The following SLC12A6 variants were observed in gnomAD, a reference collection of about 807,000 sequenced individuals.
SLC12A6 encodes K-Cl cotransporter 3.
A neutral mutation model predicts 135.3 loss-of-function variants in SLC12A6; 66 were observed. The observed-to-expected ratio is 0.49, with a 90% confidence interval of 0.40 to 0.60. The LOEUF is 0.60. Ranked by LOEUF, SLC12A6 falls within the 20% of genes least tolerant of loss-of-function variation. The pLI, the probability that SLC12A6 is intolerant of heterozygous loss-of-function variation, is 0.00. For missense variants in SLC12A6, 1,058 were observed against 1,452.3 expected (o/e 0.73, Z 4.41); for synonymous variants, 513 against 508.8 (o/e 1.01, Z -0.11).
intron 2 of SLC12A6, among the ~76,000 whole-genome samples, chr15:34,309,836 G>A (rs1888026460): frequency 6.6e-6 from 1 of 152,090 alleles, no homozygotes; most frequent in African/African-American, 2.4e-5. Context: ...AAAGCGTGCA[G>A]ATCTAAATTT....
At position 34,254,568 on chromosome 15, in the gene SLC12A6, C is replaced by G; in HGVS notation, c.898G>C (p.Ala300Pro). Reference sequence around the variant, plus strand: ...AGTGCGTCATCACTGTGAAAGATGGCAGCTCGGGGGACGATATAGACCTGT... The same window carrying G: ...AGTGCGTCATCACTGTGAAAGATGGGAGCTCGGGGGACGATATAGACCTGT... Reference protein sequence around the residue: ...IFLVYIVPRAAIFHSDDALKE... With the variant: ...IFLVYIVPRAPIFHSDDALKE... Residue 300 changes from alanine to proline, a missense_variant, in exon 9 of 26, where the codon GCC becomes CCC. By Grantham distance (27) the Ala-to-Pro change is conservative. This residue lies in a region of SLC12A6 where 297 missense variants were observed against 318.5 expected (regional missense o/e 0.93). Transcript: ENST00000354181. 6.2e-7 allele frequency: 1 copy of G among 1,608,398 alleles called. No individual in the cohort carries two copies. The highest frequency in any genetic ancestry group is 1.3e-5 in the African/African-American group (1 of 74,938).
chr15:34,238,705 T>C (rs1595404300), intron 20 of SLC12A6: 1 of 600,530 alleles, frequency 1.7e-6, no homozygotes, highest in Non-Finnish European at 3.0e-6. Flanking sequence ...AACATCAATA[T>C]GGAAAATCAC....
chr15:34,258,920 C>T lies in SLC12A6; in HGVS notation c.436G>A (p.Val146Met). ...FEEEMDTRPK[V>M]SSLLNRMANY... ...GCCATGCGGTTGAGGAGGGAAGACA[C>T]CTTCGGTCTGGTGTCCATTTCTTCC... The change falls in exon 5 of 26, where the codon GTG (valine) becomes ATG (methionine). Residue 146 changes from valine (V) to methionine (M), a missense_variant. Around this residue, in one of 6 missense-constraint regions of SLC12A6, gnomAD observed 139 missense variants for 202.2 expected, o/e 0.69. Transcript: ENST00000354181. 1 of 1,611,694 alleles carries T rather than the reference C, an allele frequency of 6.2e-7. No homozygotes were observed. The highest frequency in any genetic ancestry group is 2.2e-5 in the East Asian group (1 of 44,868).
At chr15:34,245,941 A>ATT in intron 13 of SLC12A6, 74 bp from the exon 14 acceptor site, 10 of 1,191,504 alleles carry the variant, frequency 8.4e-6, no homozygotes, top group Non-Finnish European at 1.1e-5. Context: ...TATTCACCCA[A>ATT]TTTTTTTTTG....
intron 2 of SLC12A6, among the ~76,000 whole-genome samples, chr15:34,322,245 G>C (rs1036365388): frequency 6.6e-6 from 1 of 152,148 alleles, no homozygotes; most frequent in Non-Finnish European, 1.5e-5. Context: ...GCTGGGCGTG[G>C]TGACACATGC....
intron 5 of SLC12A6, among the ~76,000 whole-genome samples, chr15:34,258,229 T>G (rs1388011928): frequency 6.6e-6 from 1 of 152,212 alleles, no homozygotes; most frequent in Non-Finnish European, 1.5e-5. Flanking sequence ...GTTTTATCCC[T>G]TTTTGAAAGG....
At position 34,232,849 on chromosome 15, in the gene SLC12A6, G is replaced by C. The variant is rs911261092; in HGVS notation, c.*1032C>G. The C allele has an allele frequency of 2.6e-5, 4 of 151,272 alleles. No homozygotes were observed. Among genetic ancestry groups the C allele is most frequent in the Non-Finnish European group, 4.4e-5 (3 of 67,892 alleles). 9.4% of individuals were successfully genotyped at this position (151,272 alleles called of 1,614,324 possible). ...AACTTCCAATTCCATTGCTAGATGTGCCCTTTAAAAGATGGTCCAGTGCTT... is the reference window on the plus strand; with the variant it reads ...AACTTCCAATTCCATTGCTAGATGTCCCCTTTAAAAGATGGTCCAGTGCTT... On this transcript the variant is annotated 3_prime_UTR_variant, in exon 26 of 26. Coordinates refer to ENST00000354181, the MANE Select transcript of SLC12A6 (RefSeq NM_001365088.1).
intron 2 of SLC12A6, among the ~76,000 whole-genome samples, chr15:34,313,144 C>T (rs887259290): frequency 1.3e-5 from 2 of 152,214 alleles, no homozygotes; most frequent in East Asian, 3.8e-4. Context: ...CAATCAAAAG[C>T]TTGAAATGAT....
At chr15:34,299,737 A>G (rs1896111688) in intron 2 of SLC12A6, 1 of 152,222 alleles carries the variant, frequency 6.6e-6, no homozygotes, top group African/African-American at 2.4e-5. Context: ...TCTGGTGTGC[A>G]GTATGTACAA....
chr15:34,264,413 C>G (rs570718636), intron 3 of SLC12A6, among the ~76,000 whole-genome samples: 1 of 152,212 alleles, frequency 6.6e-6, no homozygotes, highest in Admixed American at 6.5e-5. Context: ...AAGGAAAACA[C>G]AAAGGAGGAA....
chr15:34,234,906 C>T (rs2140631927), intron 25 of SLC12A6, among the ~76,000 whole-genome samples: 1 of 152,272 alleles, frequency 6.6e-6, no homozygotes, highest in Non-Finnish European at 1.5e-5. Context: ...GGTATGCTGT[C>T]TGTAGGATTG....
chr15:34,265,349 G>A (rs919563910), intron 3 of SLC12A6, among the ~76,000 whole-genome samples: 52 of 150,488 alleles, frequency 3.5e-4, no homozygotes, highest in Non-Finnish European at 1.0e-4. Flanking sequence ...CCTTTACTGT[G>A]CATATACTGA....
At chr15:34,307,021 G>A (rs1380205864) in intron 2 of SLC12A6, among the ~76,000 whole-genome samples, 1 of 152,196 alleles carries the variant, frequency 6.6e-6, no homozygotes, top group Admixed American at 6.5e-5. Context: ...GGAATTAGGT[G>A]AGTGGGGCAT....
At chr15:34,258,767 T>A in intron 5 of SLC12A6, 46 bp downstream of exon 5, 1 of 1,525,886 alleles carries the variant, frequency 6.6e-7, no homozygotes, top group Non-Finnish European at 9.1e-7. Flanking sequence ...TTCTTTCTTA[T>A]ATACAGGGCT....
chr15:34,324,042 C>T (rs1484718697), intron 2 of SLC12A6, among the ~76,000 whole-genome samples: 2 of 151,460 alleles, frequency 1.3e-5, no homozygotes, highest in Admixed American at 6.6e-5. Flanking sequence ...TTTTATAAAT[C>T]AAAAACATAT....
At chr15:34,270,628 C>A (rs1433265605) in intron 3 of SLC12A6, among the ~76,000 whole-genome samples, 1 of 151,828 alleles carries the variant, frequency 6.6e-6, no homozygotes, top group Non-Finnish European at 1.5e-5. Flanking sequence ...CATGGTGAAA[C>A]CCCGTCTCCA....
At chr15:34,240,541 C>T in intron 19 of SLC12A6, 120 bp downstream of exon 19, 1 of 875,202 alleles carries the variant, frequency 1.1e-6, no homozygotes, top group Non-Finnish European at 1.9e-6. Context: ...AAGGTCAGCA[C>T]TAAGTGAGAA....
chr15:34,271,959 TTTTTTC>T (rs1282682044), intron 3 of SLC12A6, among the ~76,000 whole-genome samples: 6 of 152,124 alleles, frequency 3.9e-5, no homozygotes, highest in African/African-American at 1.4e-4. Context: ...GATTTTCTTT[TTTTTTC>T]TTTTTCTTTT....
At chr15:34,317,285 A>G (rs976716892) in intron 2 of SLC12A6, among the ~76,000 whole-genome samples, 12 of 152,380 alleles carry the variant, frequency 7.9e-5, no homozygotes, top group Admixed American at 7.2e-4. Flanking sequence ...TGCATCTTCA[A>G]ACAAGATTCA....
Sources: allele counts gnomAD v4.1 joint callset (sites outside exome capture counted in the v4.1 genomes callset), GRCh38; gene constraint gnomAD v4.1.1; regional missense constraint gnomAD v4.1.1; transcripts MANE v1.5; gene names NCBI Gene and HGNC (gene_info 2026-07-23, HGNC 2026-07-21).